Variants in FAM227B observed in about 807,000 individuals in gnomAD.
The protein encoded by FAM227B is protein FAM227B.
FAM227B carries 88 observed loss-of-function variants against 73.8 expected under a neutral mutation model. That is an observed-to-expected ratio of 1.19 (90% confidence interval 1.00 to 1.42). The LOEUF (loss-of-function observed/expected upper bound fraction) is 1.42, where lower values mean the gene tolerates loss of function less well. FAM227B is among the 40% of genes most tolerant of loss of function. The pLI is 0.00. For synonymous variants in FAM227B, 210 were observed against 190.5 expected (o/e 1.10, Z -0.84); for missense variants, 632 against 590.9 (o/e 1.07, Z -0.72).
intron 13 of FAM227B, among the ~76,000 whole-genome samples, chr15:49,354,561 C>T (rs188382339): frequency 9.8e-5 from 15 of 152,362 alleles, no homozygotes; most frequent in African/African-American, 3.4e-4. Flanking sequence ...CGGCGCACCA[C>T]GAGATTATAT....
chr15:49,503,289 G>T (rs2058301615), intron 11 of FAM227B, among the ~76,000 whole-genome samples: 1 of 152,152 alleles, frequency 6.6e-6, no homozygotes, highest in Non-Finnish European at 1.5e-5. Context: ...ATGGATTAAA[G>T]ACTTAAACGT....
chr15:49,422,173 C>T (rs918314073), intron 11 of FAM227B, among the ~76,000 whole-genome samples: 11 of 128,610 alleles, frequency 8.6e-5, no homozygotes, highest in East Asian at 5.1e-4. Flanking sequence ...TGCGCGCGCG[C>T]GCGCGTGCAC....
intron 3 of FAM227B, among the ~76,000 whole-genome samples, chr15:49,592,393 GT>G (rs1247906216): frequency 1.3e-5 from 2 of 152,176 alleles, no homozygotes; most frequent in Non-Finnish European, 2.9e-5. Flanking sequence ...ATTCCTTTCT[GT>G]TTCATAATTT....
At chr15:49,484,413 T>C in intron 11 of FAM227B, 1 of 1,593,632 alleles carries the variant, frequency 6.3e-7, no homozygotes, top group Non-Finnish European at 8.5e-7. Flanking sequence ...GAAATGTTTG[T>C]TGCCTTAAAT....
chr15:49,499,809 G>A (rs1161679894), intron 11 of FAM227B, among the ~76,000 whole-genome samples: 1 of 152,144 alleles, frequency 6.6e-6, no homozygotes, highest in African/African-American at 2.4e-5. Context: ...AATATGCAAA[G>A]AAGTGATTCT....
intron 11 of FAM227B, among the ~76,000 whole-genome samples, chr15:49,385,130 G>A (rs1469606293): frequency 6.6e-6 from 1 of 151,864 alleles, no homozygotes; most frequent in Non-Finnish European, 1.5e-5. Context: ...GTTTGGCAAG[G>A]TTTCTTATCA....
chr15:49,565,113 G>A (rs1330077610), intron 9 of FAM227B, among the ~76,000 whole-genome samples: 2 of 152,094 alleles, frequency 1.3e-5, no homozygotes, highest in Non-Finnish European at 2.9e-5. Flanking sequence ...GCCGGGCACA[G>A]TAGTTCACAC....
intron 11 of FAM227B, among the ~76,000 whole-genome samples, chr15:49,507,704 C>T (rs2058682621): frequency 6.6e-6 from 1 of 151,482 alleles, no homozygotes; most frequent in African/African-American, 2.4e-5. Context: ...TCTAAGTGGA[C>T]TATTTAATAA....
At chr15:49,548,619 G>A (rs1334803169) in intron 9 of FAM227B, among the ~76,000 whole-genome samples, 3 of 152,278 alleles carry the variant, frequency 2.0e-5, no homozygotes, top group East Asian at 1.9e-4. Context: ...TTCTTTGAAT[G>A]TTTGGTAGAA....
intron 10 of FAM227B, among the ~76,000 whole-genome samples, chr15:49,538,678 T>G (rs1024451164): frequency 6.6e-6 from 1 of 152,102 alleles, no homozygotes; most frequent in African/African-American, 2.4e-5. Context: ...GACTGGATAC[T>G]TTCAATTGAC....
chr15:49,328,760 T>C lies in FAM227B; in HGVS notation c.1420-85A>G. 4 of 1,453,770 alleles carry C rather than the reference T, an allele frequency of 2.8e-6. No homozygotes were observed. In the South Asian group the frequency reaches 5.9e-5, roughly 22 times the overall value. The allele number at this position is 1,453,770 out of a possible 1,614,324, so 90.1% of individuals were successfully genotyped here. Reference sequence around the variant, plus strand: ...TTTGAATGTGAGATTTCTCCAGTTATCAAGAGACTAAGGATTTTTTTTTTT... The same window carrying C: ...TTTGAATGTGAGATTTCTCCAGTTACCAAGAGACTAAGGATTTTTTTTTTT... On this transcript the variant is annotated intron_variant, in intron 15 of 15. Transcript: ENST00000299338.
intron 13 of FAM227B, among the ~76,000 whole-genome samples, chr15:49,346,740 T>C (rs1386875442): frequency 2.6e-5 from 4 of 152,156 alleles, no homozygotes; most frequent in South Asian, 2.1e-4. Flanking sequence ...ATAATGCTAA[T>C]TGTATAACAA....
At chr15:49,495,056 A>G (rs2152070647) in intron 11 of FAM227B, among the ~76,000 whole-genome samples, 1 of 152,316 alleles carries the variant, frequency 6.6e-6, no homozygotes, top group East Asian at 1.9e-4. Flanking sequence ...CTTCTCCATA[A>G]CACAGCATTT....
chr15:49,514,440 T>C (rs1453248305), intron 10 of FAM227B, among the ~76,000 whole-genome samples: 1 of 152,148 alleles, frequency 6.6e-6, no homozygotes, highest in Non-Finnish European at 1.5e-5. Context: ...TGTTTGTATA[T>C]TGATTTTGTA....
At chr15:49,378,660 C>T (rs986164889) in intron 11 of FAM227B, among the ~76,000 whole-genome samples, 3 of 152,030 alleles carry the variant, frequency 2.0e-5, no homozygotes, top group African/African-American at 2.4e-5. Flanking sequence ...ATTTTGTATC[C>T]TGAAGCTTTA....
In FAM227B at chr15:49,357,515, A is replaced by G. The variant is rs532115955; in HGVS notation, c.1271+9933T>C. On this transcript the variant is annotated intron_variant, in intron 13 of 15. Coordinates refer to ENST00000299338, the MANE Select transcript of FAM227B (RefSeq NM_152647.3). Reference sequence around the variant, plus strand: ...ATAATGGATAAATTCCTCGACACATACACTCTCCCAAGACTAAACCAGGAA... The same window carrying G: ...ATAATGGATAAATTCCTCGACACATGCACTCTCCCAAGACTAAACCAGGAA... Among the ~76,000 whole-genome samples the G allele has an allele frequency of 9.2e-5, 14 of 152,236 alleles. No homozygotes were observed. The East Asian group carries it at 2.7e-3, about 29-fold the overall frequency.
intron 11 of FAM227B, among the ~76,000 whole-genome samples, chr15:49,469,928 C>T (rs2054586167): frequency 6.6e-6 from 1 of 152,034 alleles, no homozygotes; most frequent in East Asian, 1.9e-4. Context: ...CCACATCAAA[C>T]CAAAGAATTC....
chr15:49,490,218 T>C (rs1221918282), intron 11 of FAM227B, among the ~76,000 whole-genome samples: 2 of 151,802 alleles, frequency 1.3e-5, no homozygotes, highest in Admixed American at 6.6e-5. Context: ...ATTTCTGCTA[T>C]TCACAACTGG....
intron 9 of FAM227B, among the ~76,000 whole-genome samples, chr15:49,548,646 G>GC (rs1049118113): frequency 1.3e-5 from 2 of 152,154 alleles, no homozygotes; most frequent in African/African-American, 4.8e-5. Flanking sequence ...AGTGAAGCCA[G>GC]CAAGTCCTGG....
Sources: allele counts gnomAD v4.1 joint callset (sites outside exome capture counted in the v4.1 genomes callset), GRCh38; gene constraint gnomAD v4.1.1; transcripts MANE v1.5; gene names NCBI Gene and HGNC (gene_info 2026-07-23, HGNC 2026-07-21).